Variants in BACE1 observed in about 807,000 individuals in gnomAD.
BACE1 encodes beta-secretase 1.
BACE1 carries 21 observed loss-of-function variants against 54.0 expected under a neutral mutation model. The ratio of observed to expected loss-of-function variants is 0.39; its 90% CI spans 0.28 to 0.56. BACE1 has a LOEUF of 0.56. Ranked by LOEUF, BACE1 falls within the 20% of genes least tolerant of loss-of-function variation. The probability of loss-of-function intolerance (pLI) is 0.63; values close to 1 mark genes in which losing one functional copy is unlikely to be tolerated. For missense variants in BACE1, 511 were observed against 661.2 expected (o/e 0.77, Z 2.49); for synonymous variants, 232 against 260.9 (o/e 0.89, Z 1.07).
intron 8 of BACE1, 150 bp downstream of exon 8, chr11:117,290,338 G>T: frequency 2.0e-6 from 2 of 978,066 alleles, no homozygotes; most frequent in Non-Finnish European, 1.5e-6. Context: ...GACGAGCATT[G>T]ACACTAGCTT....
chr11:117,294,093 T>A, intron 3 of BACE1, 85 bp from the exon 4 acceptor site: 2 of 1,495,080 alleles, frequency 1.3e-6, no homozygotes, highest in Non-Finnish European at 1.8e-6. Context: ...AAGGCAAATT[T>A]GAAGGCTTGG....
Position 117,289,671 on chromosome 11 carries a change from G to A in BACE1, c.1401C>T (p.Ala467=), listed in dbSNP as rs1302069181. The change falls in exon 9 of 9, where the codon GCC becomes GCT. Residue 467 remains alanine, a synonymous_variant. Coordinates refer to ENST00000313005, the MANE Select transcript of BACE1 (RefSeq NM_012104.6). ...TGAGGCAGAGTGGCAGCATGAAGAG[G>A]GCGCAGATGGCAGCCATGACATAGG... ...TIAYVMAAIC[A]LFMLPLCLMV... is the part of the protein sequence containing the mutation. The A allele has an allele frequency of 6.2e-7, 1 of 1,614,192 alleles. No homozygotes were observed. The highest frequency in any genetic ancestry group is 1.1e-5 in the South Asian group (1 of 91,082).
intron 1 of BACE1, among the ~76,000 whole-genome samples, chr11:117,307,345 CCT>C (rs1206239758): frequency 2.6e-5 from 4 of 152,184 alleles, no homozygotes; most frequent in East Asian, 3.9e-4. Flanking sequence ...GAGTCTTCCC[CCT>C]GTCGCCCAGG....
intron 1 of BACE1, 121 bp from the exon 2 acceptor site, chr11:117,297,082 G>A (rs778161574): frequency 2.3e-5 from 17 of 748,670 alleles, no homozygotes; most frequent in South Asian, 2.1e-4. Context: ...GAAGCTCCAC[G>A]ATGCAGGACT....
chr11:117,294,218 TC>T lies in BACE1; in HGVS notation c.568-211del, dbSNP rs1490297762. On this transcript the variant is annotated intron_variant, in intron 3 of 8. Coordinates refer to ENST00000313005, the MANE Select transcript of BACE1 (RefSeq NM_012104.6). ...ATTGATAGGTTCACAGATTCATAGATCTTTTTTTTTTTTTTGAGACAGAGTT... is the reference window on the plus strand; with the variant it reads ...ATTGATAGGTTCACAGATTCATAGATTTTTTTTTTTTTTTGAGACAGAGTT... The T allele has an allele frequency of 8.2e-5, 31 of 379,232 alleles. 1 individual carries two copies. Among genetic ancestry groups the T allele is most frequent in the Middle Eastern group, 7.1e-4 (1 of 1,406 alleles). 23.5% of individuals were successfully genotyped at this position (379,232 alleles called of 1,614,324 possible).
Position 117,287,534 on chromosome 11 carries a change from T to G in BACE1, c.*2032A>C, listed in dbSNP as rs1226096504. ...GTGCAAGTTTTCTTTAAAAAAATAA[T>G]AGGCTGATGGGACTTGCTATCGAAG... On this transcript the variant is annotated 3_prime_UTR_variant, in exon 9 of 9. Coordinates refer to ENST00000313005, the MANE Select transcript of BACE1 (RefSeq NM_012104.6). The G allele has an allele frequency of 3.3e-5, 5 of 152,500 alleles. No individual in the cohort carries two copies. The highest frequency in any genetic ancestry group is 7.4e-5 in the Non-Finnish European group (5 of 68,022). 9.4% of individuals were successfully genotyped at this position (152,500 alleles called of 1,614,324 possible). A position where few individuals can be genotyped will look rare whatever the true frequency, so the allele number is the denominator to read the frequency against.
At chr11:117,295,804 T>A in intron 2 of BACE1, 1 of 583,706 alleles carries the variant, frequency 1.7e-6, no homozygotes, top group Non-Finnish European at 2.2e-6. Context: ...GTGGAACCTC[T>A]ACAGCAAGTT....
Position 117,315,772 on chromosome 11 carries a change from G to C in BACE1, c.24C>G (p.Leu8=). The change falls in exon 1 of 9, where the codon CTC becomes CTG. Residue 8 remains leucine (L), a synonymous_variant. Transcript: ENST00000313005. This position sits in a 1 kb window ranked among gnomAD's most constrained non-coding sequence, Gnocchi z 5.5. MAQALPW[L]LLWMGAGVLP... ...GCACTCCCGCGCCCATCCACAGCAG[G>C]AGCCAGGGCAGGGCTTGGGCCATGG... is the stretch of plus-strand genomic sequence containing the variant. The C allele has an allele frequency of 6.9e-7, 1 of 1,453,408 alleles. No individual in the cohort carries two copies. The highest frequency in any genetic ancestry group is 1.4e-5 in the South Asian group (1 of 70,820). 90.0% of individuals were successfully genotyped at this position (1,453,408 alleles called of 1,614,324 possible). A position where few individuals can be genotyped will look rare whatever the true frequency, so the allele number is the denominator to read the frequency against.
In BACE1 at chr11:117,297,184, C is replaced by A. The variant is rs996408269; in HGVS notation, c.262-223G>T. On this transcript the variant is annotated intron_variant, in intron 1 of 8. Coordinates refer to ENST00000313005, the MANE Select transcript of BACE1 (RefSeq NM_012104.6). ...GGCCAAAGGAACACTTCCCCTGTGC[C>A]CTCTGCAGGTCTGCTGAAAAACCAA... 1.4e-5 allele frequency: 7 copies of A among 499,602 alleles called. No individual in the cohort carries two copies. In the Admixed American group the frequency reaches 2.4e-4, roughly 17 times the overall value. 30.9% of individuals were successfully genotyped at this position (499,602 alleles called of 1,614,324 possible).
In BACE1 at chr11:117,289,406, GC is replaced by G; in HGVS notation, c.*159del. On this transcript the variant is annotated 3_prime_UTR_variant, in exon 9 of 9. Coordinates refer to ENST00000313005, the MANE Select transcript of BACE1 (RefSeq NM_012104.6). ...AGGTACAGTCCCTGGAACCCACCTT[GC>G]CAGCCTTTTCCTTCTCCATCAAGGC... 7.9e-7 allele frequency: 1 copy of G among 1,258,560 alleles called. No homozygotes were observed. The allele number at this position is 1,258,560 out of a possible 1,614,324, so 78.0% of individuals were successfully genotyped here.
intron 3 of BACE1, 93 bp downstream of exon 3, chr11:117,295,038 C>T: frequency 7.8e-7 from 1 of 1,286,152 alleles, no homozygotes; most frequent in Non-Finnish European, 1.1e-6. Flanking sequence ...GATTGTTGCC[C>T]TCCTTCTGCT....
At position 117,291,771 on chromosome 11, in the gene BACE1, G is replaced by T; in HGVS notation, c.883C>A (p.Leu295Ile). The change falls in exon 6 of 9, where the codon CTT becomes ATT. Residue 295 changes from leucine (L) to isoleucine (I), a missense_variant. Physicochemically the swap from Leu to Ile is conservative, Grantham distance 5 (BLOSUM62 2). Coordinates refer to ENST00000313005, the MANE Select transcript of BACE1 (RefSeq NM_012104.6). ...TCAAACACTTTCTTGGGCAAACGAAGGTTGGTGGTGCCACTGTCCACAATG... is the reference window on the plus strand; with the variant it reads ...TCAAACACTTTCTTGGGCAAACGAATGTTGGTGGTGCCACTGTCCACAATG... ...KSIVDSGTTN[L>I]RLPKKVFEAA... is the part of the protein sequence containing the mutation. 6.2e-7 allele frequency: 1 copy of T among 1,613,498 alleles called. No individual in the cohort carries two copies. Among genetic ancestry groups the T allele is most frequent in the South Asian group, 1.1e-5 (1 of 91,078 alleles).
At position 117,315,181 on chromosome 11, in the gene BACE1, G is replaced by A. The variant is rs1481412024; in HGVS notation, c.261+354C>T. On this transcript the variant is annotated intron_variant, in intron 1 of 8. Transcript: ENST00000313005. The surrounding 1 kb of genome is among the most constrained non-coding windows in gnomAD (Gnocchi z 5.5). ...TAGAGTGGTGGGATTTGGGAGACTCGGACTGGGCCACTGTCAGAGGGGGCT... is the reference window on the plus strand; with the variant it reads ...TAGAGTGGTGGGATTTGGGAGACTCAGACTGGGCCACTGTCAGAGGGGGCT... Among the ~76,000 whole-genome samples the A allele has an allele frequency of 6.6e-6, 1 of 152,162 alleles. No homozygotes were observed. The highest frequency in any genetic ancestry group is 1.5e-5 in the Non-Finnish European group (1 of 68,030).
At chr11:117,308,783 C>T (rs1565366364) in intron 1 of BACE1, among the ~76,000 whole-genome samples, 1 of 151,860 alleles carries the variant, frequency 6.6e-6, no homozygotes, top group Non-Finnish European at 1.5e-5. Context: ...ACCCCCATCT[C>T]TACTAAAAAT....
chr11:117,292,081 G>C (rs2054711764), intron 5 of BACE1: 1 of 215,530 alleles, frequency 4.6e-6, no homozygotes, highest in African/African-American at 2.3e-5. Context: ...GCAGAGAGAA[G>C]GCACTTGGTA....
intron 1 of BACE1, among the ~76,000 whole-genome samples, chr11:117,299,295 T>G (rs1309440477): frequency 6.6e-6 from 1 of 152,202 alleles, no homozygotes; most frequent in Admixed American, 6.5e-5. Flanking sequence ...GGTTCTCCTC[T>G]GCCCCAGGGG....
chr11:117,286,675 T>A lies in BACE1; in HGVS notation c.*2891A>T, dbSNP rs553953651. 1 of 152,738 alleles carries A rather than the reference T, an allele frequency of 6.5e-6. No individual in the cohort carries two copies. The highest frequency in any genetic ancestry group is 1.9e-4 in the East Asian group (1 of 5,196). The allele number at this position is 152,738 out of a possible 1,614,324, so 9.5% of individuals were successfully genotyped here. A position where few individuals can be genotyped will look rare whatever the true frequency, so the allele number is the denominator to read the frequency against. ...TCATCCTTGCCTATCACCTCACAGA[T>A]GGATTCTTCCTCATTTCTCTTGCCT... On this transcript the variant is annotated 3_prime_UTR_variant, in exon 9 of 9. Coordinates refer to ENST00000313005, the MANE Select transcript of BACE1 (RefSeq NM_012104.6).
chr11:117,313,116 G>A (rs569343763), intron 1 of BACE1, among the ~76,000 whole-genome samples: 48 of 152,294 alleles, frequency 3.2e-4, no homozygotes, highest in African/African-American at 1.0e-3. Flanking sequence ...TACAACAGCC[G>A]CGCCAGGTAG....
In BACE1 at chr11:117,293,302, T is replaced by C; in HGVS notation, c.706-114A>G. The C allele has an allele frequency of 9.1e-7, 1 of 1,100,870 alleles. No individual in the cohort carries two copies. The allele number at this position is 1,100,870 out of a possible 1,614,324, so 68.2% of individuals were successfully genotyped here. A position where few individuals can be genotyped will look rare whatever the true frequency, so the allele number is the denominator to read the frequency against. On this transcript the variant is annotated intron_variant, in intron 4 of 8. Coordinates refer to ENST00000313005, the MANE Select transcript of BACE1 (RefSeq NM_012104.6). This position sits in a 1 kb window ranked among gnomAD's most constrained non-coding sequence, Gnocchi z 4.1. ...TGGGGTGGCAAGGTCTTCTACAGGC[T>C]ACCCTTTTCATCTTCCTGCTTCTAA... is the stretch of plus-strand genomic sequence containing the variant.
Sources: allele counts gnomAD v4.1 joint callset (sites outside exome capture counted in the v4.1 genomes callset), GRCh38; gene constraint gnomAD v4.1.1; non-coding constraint Gnocchi (gnomAD v3.1); transcripts MANE v1.5; gene names NCBI Gene and HGNC (gene_info 2026-07-23, HGNC 2026-07-21).